The following BARX2 variants were observed in gnomAD, a reference collection of about 807,000 sequenced individuals.
The protein encoded by BARX2 is BARX homeobox 2.
In BARX2, 11 loss-of-function variants were observed where a neutral mutation model predicts 25.5. That is an observed-to-expected ratio of 0.43 (90% CI 0.27 to 0.71). BARX2 has a LOEUF of 0.71. BARX2 is among the 30% of genes least tolerant of loss of function. The probability of loss-of-function intolerance (pLI) is 0.19; values close to 1 mark genes in which losing one functional copy is unlikely to be tolerated. For synonymous variants in BARX2, 137 were observed against 149.5 expected (o/e 0.92, Z 0.61); for missense variants, 360 against 359.9 (o/e 1.00, Z 0.00).
At chr11:129,445,012 AT>A (rs999722396) in intron 3 of BARX2, among the ~76,000 whole-genome samples, 189 of 137,356 alleles carry the variant, frequency 1.4e-3, no homozygotes, top group African/African-American at 6.7e-3. Flanking sequence ...AAAAATAAAA[AT>A]AAAATAAATA....
chr11:129,451,587 T>C lies in BARX2; in HGVS notation c.*185T>C. 1 of 729,094 alleles carries C rather than the reference T, an allele frequency of 1.4e-6. No homozygotes were observed. The highest frequency in any genetic ancestry group is 2.0e-5 in the South Asian group (1 of 49,102). The allele number at this position is 729,094 out of a possible 1,614,324, so 45.2% of individuals were successfully genotyped here. On this transcript the variant is annotated 3_prime_UTR_variant, in exon 4 of 4. Transcript: ENST00000281437. ...CAAGCATTTGACAAAGACTTGCTTG[T>C]CTTGGGCCTGTCACCTCCTGAAAGG...
intron 3 of BARX2, among the ~76,000 whole-genome samples, chr11:129,450,796 ATAT>A (rs1017415748): frequency 1.9e-4 from 29 of 152,158 alleles, no homozygotes; most frequent in African/African-American, 3.9e-4. Flanking sequence ...CTTGCTACAA[ATAT>A]TATTGTTGTC....
In BARX2 at chr11:129,411,362, C is replaced by T. The variant is rs960315790; in HGVS notation, c.188-25389C>T. Among the ~76,000 whole-genome samples the T allele has an allele frequency of 3.0e-5, 4 of 135,494 alleles. No homozygotes were observed. The Admixed American group carries it at 3.1e-4, about 10-fold the overall frequency. 88.9% of individuals were successfully genotyped at this position (135,494 alleles called of 152,430 possible). A position where few individuals can be genotyped will look rare whatever the true frequency, so the allele number is the denominator to read the frequency against. ...CTCCAGCCTGGGTGACAGAGTGAGA[C>T]TCCATCTCCAAAAAAAAAAAAAAAA... On this transcript the variant is annotated intron_variant, in intron 1 of 3. Coordinates refer to ENST00000281437, the MANE Select transcript of BARX2 (RefSeq NM_003658.5).
At chr11:129,410,061 A>G (rs1416689405) in intron 1 of BARX2, among the ~76,000 whole-genome samples, 1 of 152,204 alleles carries the variant, frequency 6.6e-6, no homozygotes, top group Non-Finnish European at 1.5e-5. Context: ...GTACCTTTTT[A>G]CAAAGATCAA....
intron 1 of BARX2, among the ~76,000 whole-genome samples, chr11:129,399,474 G>C (rs1016299208): frequency 9.2e-5 from 14 of 152,118 alleles, no homozygotes; most frequent in Admixed American, 6.5e-5. Flanking sequence ...CAATCCTCCT[G>C]TCTCAGCCTC....
intron 1 of BARX2, among the ~76,000 whole-genome samples, chr11:129,400,469 AT>A (rs1215938559): frequency 6.6e-6 from 1 of 152,188 alleles, no homozygotes; most frequent in African/African-American, 2.4e-5. Context: ...GGCTTTGGAC[AT>A]TCTGAGAAGA....
intron 2 of BARX2, among the ~76,000 whole-genome samples, chr11:129,440,779 A>G (rs1051018689): frequency 5.3e-5 from 8 of 152,132 alleles, no homozygotes; most frequent in Non-Finnish European, 1.0e-4. Context: ...CCTCCCTGAT[A>G]GTTAGATCTC....
At chr11:129,401,955 CA>C (rs397825103) in intron 1 of BARX2, among the ~76,000 whole-genome samples, 3,930 of 104,596 alleles carry the variant, frequency 0.038, 64 homozygotes, top group Middle Eastern at 0.048. Context: ...GACTCTGTCT[CA>C]AAAAAAAAAA....
Position 129,376,016 on chromosome 11 carries a change from G to A in BARX2, c.-20G>A. On this transcript the variant is annotated 5_prime_UTR_variant, in exon 1 of 4. Coordinates refer to ENST00000281437, the MANE Select transcript of BARX2 (RefSeq NM_003658.5). This position sits in a 1 kb window ranked among gnomAD's most constrained non-coding sequence, Gnocchi z 4.2. ...ACTCGCAGCCGCGCTCGGGCCGGCGGACGCTCGCGCCGGCTCACCATGCAC... is the reference window on the plus strand; with the variant it reads ...ACTCGCAGCCGCGCTCGGGCCGGCGAACGCTCGCGCCGGCTCACCATGCAC... 5 of 1,447,094 alleles carry A rather than the reference G, an allele frequency of 3.5e-6. No homozygotes were observed. Among genetic ancestry groups the A allele is most frequent in the Non-Finnish European group, 4.6e-6 (5 of 1,098,324 alleles). The allele number at this position is 1,447,094 out of a possible 1,614,324, so 89.6% of individuals were successfully genotyped here. A position where few individuals can be genotyped will look rare whatever the true frequency, so the allele number is the denominator to read the frequency against.
chr11:129,385,190 C>G (rs1861605899), intron 1 of BARX2, among the ~76,000 whole-genome samples: 1 of 152,194 alleles, frequency 6.6e-6, no homozygotes, highest in Admixed American at 6.5e-5. Context: ...ATTCTCCACA[C>G]TCCGGCGGGA....
At chr11:129,430,786 A>G (rs1862119735) in intron 1 of BARX2, among the ~76,000 whole-genome samples, 1 of 152,182 alleles carries the variant, frequency 6.6e-6, no homozygotes, top group South Asian at 2.1e-4. Flanking sequence ...TAATAGAATC[A>G]TATAGCCTTT....
At chr11:129,391,230 CA>C (rs1565510129) in intron 1 of BARX2, among the ~76,000 whole-genome samples, 1 of 152,210 alleles carries the variant, frequency 6.6e-6, no homozygotes. Context: ...GGATGGTTTT[CA>C]CATTCGTAAA....
chr11:129,447,391 T>G (rs1862343715), intron 3 of BARX2, among the ~76,000 whole-genome samples: 1 of 152,198 alleles, frequency 6.6e-6, no homozygotes, highest in South Asian at 2.1e-4. Context: ...AGGAGGCATG[T>G]GACCTCTTAG....
At chr11:129,397,901 G>T (rs979446367) in intron 1 of BARX2, among the ~76,000 whole-genome samples, 10 of 152,202 alleles carry the variant, frequency 6.6e-5, no homozygotes, top group Non-Finnish European at 1.3e-4. Context: ...TCTGAAATGA[G>T]TTCTTTTTCT....
chr11:129,439,940 C>T (rs1305165406), intron 2 of BARX2, among the ~76,000 whole-genome samples: 2 of 151,824 alleles, frequency 1.3e-5, no homozygotes, highest in Non-Finnish European at 2.9e-5. Context: ...ATTAGTTCTT[C>T]TTAAACCTCC....
intron 3 of BARX2, among the ~76,000 whole-genome samples, chr11:129,449,052 G>A (rs1224895353): frequency 6.6e-6 from 1 of 152,156 alleles, no homozygotes; most frequent in Non-Finnish European, 1.5e-5. Flanking sequence ...AGGGGCTGGG[G>A]GAAAATAGGG....
At chr11:129,428,941 T>G in intron 1 of BARX2, among the ~76,000 whole-genome samples, 1 of 152,006 alleles carries the variant, frequency 6.6e-6, no homozygotes, top group East Asian at 1.9e-4. Flanking sequence ...GGGTCAAGAT[T>G]GCTGAAACAA....
At chr11:129,378,159 T>C (rs1861523341) in intron 1 of BARX2, among the ~76,000 whole-genome samples, 2 of 152,382 alleles carry the variant, frequency 1.3e-5, no homozygotes, top group South Asian at 2.1e-4. Context: ...AATGGTTTTC[T>C]GGCTCCGTTA....
At position 129,376,058 on chromosome 11, in the gene BARX2, G is replaced by C. The variant is rs376511525; in HGVS notation, c.23G>C (p.Arg8Thr). The C allele has an allele frequency of 3.1e-6, 5 of 1,600,104 alleles. No homozygotes were observed. Among genetic ancestry groups the C allele is most frequent in the Non-Finnish European group, 4.3e-6 (5 of 1,174,576 alleles). MHCHAEL[R>T]LSSPGQLKAA... ...ACCATGCACTGCCACGCCGAGCTGA[G>C]GCTGAGCTCGCCCGGCCAGCTCAAA... Residue 8 changes from arginine to threonine, a missense_variant, in exon 1 of 4, where the codon AGG (arginine) becomes ACG (threonine). Physicochemically the swap from Arg to Thr is moderately conservative, Grantham distance 71 (BLOSUM62 -1). This residue lies in a region of BARX2 where 240 missense variants were observed against 228.7 expected (regional missense o/e 1.05). Transcript: ENST00000281437. This position sits in a 1 kb window ranked among gnomAD's most constrained non-coding sequence, Gnocchi z 4.2.
Sources: gnomAD v4.1 joint callset for allele counts (sites outside exome capture counted in the v4.1 genomes callset) on GRCh38, gnomAD v4.1.1 for gene constraint, gnomAD v4.1.1 regional missense constraint, Gnocchi (gnomAD v3.1) non-coding constraint, MANE v1.5 for transcripts, NCBI Gene and HGNC (gene_info 2026-07-23, HGNC 2026-07-21) for gene names.